Variants in SPART observed in about 807,000 individuals in gnomAD.
SPART encodes spartin.
Under a neutral mutation model 58.7 loss-of-function variants are expected in SPART, and 35 were observed. The observed-to-expected ratio is 0.60, with a 90% CI of 0.46 to 0.79. The LOEUF (loss-of-function observed/expected upper bound fraction) is 0.79, where lower values mean the gene tolerates loss of function less well. Ranked by LOEUF, SPART falls within the 30% of genes least tolerant of loss-of-function variation. SPART has a pLI of 0.00. For missense variants in SPART, 730 were observed against 786.1 expected, an observed-to-expected ratio of 0.93 and a Z score of 0.85; for synonymous variants, 284 against 280.7, an observed-to-expected ratio of 1.01 and a Z score of -0.12.
At chr13:36,358,418 G>T (rs1885706646) in intron 1 of SPART, among the ~76,000 whole-genome samples, 1 of 152,160 alleles carries the variant, frequency 6.6e-6, no homozygotes, top group Admixed American at 6.5e-5. Context: ...ATATGAAGAG[G>T]AGAAATGAAA....
At chr13:36,319,048 C>G (rs1014112523) in intron 5 of SPART, among the ~76,000 whole-genome samples, 5 of 152,148 alleles carry the variant, frequency 3.3e-5, no homozygotes, top group African/African-American at 1.2e-4. Context: ...ACATTACCCT[C>G]TTTTCAAGGG....
intron 8 of SPART, among the ~76,000 whole-genome samples, chr13:36,306,740 T>C (rs1880539725): frequency 7.0e-6 from 1 of 141,964 alleles, no homozygotes; most frequent in African/African-American, 2.5e-5. Context: ...ACAATTCCTA[T>C]TAATTTGGGA....
chr13:36,362,361 A>AAC (rs1371711845), intron 1 of SPART, among the ~76,000 whole-genome samples: 5 of 151,504 alleles, frequency 3.3e-5, no homozygotes, highest in Non-Finnish European at 5.9e-5. Flanking sequence ...TCAAAAAAAA[A>AAC]AAAAAATACC....
chr13:36,333,429 ATT>A lies in SPART; in HGVS notation c.810+1590_810+1591del, dbSNP rs34312130. On this transcript the variant is annotated intron_variant, in intron 2 of 8. Coordinates refer to ENST00000438666, the MANE Select transcript of SPART (RefSeq NM_015087.5). ...TAGTATTTAGTTGGATTATTATTGTATTTTTTTTTTTTTTTTGGATAAAAACA... is the reference window on the plus strand; with the variant it reads ...TAGTATTTAGTTGGATTATTATTGTATTTTTTTTTTTTTTGGATAAAAACA... 3.1e-3 allele frequency among the ~76,000 whole-genome samples: 406 copies of A among 132,330 alleles called. 3 individuals are homozygous for A. Among genetic ancestry groups the A allele is most frequent in the African/African-American group, 0.011 (371 of 32,448 alleles). The allele number at this position is 132,330 out of a possible 152,430, so 86.8% of individuals were successfully genotyped here.
rs1167192452 is a variant in SPART, at chr13:36,335,545, C to G, written c.286G>C (p.Glu96Gln). ...TGCAGAGAAGTGGCAAGACCCTTCT[C>G]TAGAATTTCCAGCCTGGTGCGTACA... ...QNVRTRLEIL[E>Q]KGLATSLQND... Residue 96 changes from glutamate to glutamine, a missense_variant, in exon 2 of 9, where the codon GAG (glutamate) becomes CAG (glutamine). By Grantham distance (29) the Glu-to-Gln change is conservative. Coordinates refer to ENST00000438666, the MANE Select transcript of SPART (RefSeq NM_015087.5). 3 of 1,614,060 alleles carry G rather than the reference C, an allele frequency of 1.9e-6. No individual in the cohort carries two copies. Among genetic ancestry groups the G allele is most frequent in the East Asian group, 2.2e-5 (1 of 44,902 alleles).
At chr13:36,351,969 A>C (rs1885429314) in intron 1 of SPART, among the ~76,000 whole-genome samples, 1 of 152,226 alleles carries the variant, frequency 6.6e-6, no homozygotes, top group Non-Finnish European at 1.5e-5. Context: ...CAGGGTATCC[A>C]TCTCATGAAG....
intron 1 of SPART, among the ~76,000 whole-genome samples, chr13:36,367,031 A>T (rs1886085459): frequency 6.6e-6 from 1 of 152,094 alleles, no homozygotes; most frequent in East Asian, 1.9e-4. Flanking sequence ...TTTCGGCCGG[A>T]AGTAGCCGGA....
At chr13:36,315,018 C>G (rs564510269) in intron 5 of SPART, among the ~76,000 whole-genome samples, 1 of 152,296 alleles carries the variant, frequency 6.6e-6, no homozygotes, top group South Asian at 2.1e-4. Context: ...GCTACACATA[C>G]CTGAATGACA....
chr13:36,344,947 G>C lies in SPART; in HGVS notation c.-3+1278C>G, dbSNP rs1319179109. On this transcript the variant is annotated intron_variant, in intron 1 of 8. Coordinates refer to ENST00000438666, the MANE Select transcript of SPART (RefSeq NM_015087.5). The stretch of plus-strand genomic sequence containing the variant: ...CACATTTATTTCAACATAACTACAT[G>C]TATGTCTGTGTATGTCTTAAAAAAT... Among the ~76,000 whole-genome samples, 10 of 152,124 alleles carry C rather than the reference G, an allele frequency of 6.6e-5. No homozygotes were observed. The South Asian group carries it at 8.3e-4, about 13-fold the overall frequency.
At chr13:36,365,720 A>G (rs1566151916) in intron 1 of SPART, 1 of 389,326 alleles carries the variant, frequency 2.6e-6, no homozygotes, top group Non-Finnish European at 5.2e-6. Context: ...ATCTTTTTTT[A>G]TCTCCATAGC....
intron 5 of SPART, among the ~76,000 whole-genome samples, chr13:36,322,807 T>G (rs1465278265): frequency 6.6e-6 from 1 of 152,138 alleles, no homozygotes; most frequent in Non-Finnish European, 1.5e-5. Flanking sequence ...AAGTATAAAT[T>G]GAATATATGA....
chr13:36,327,666 T>C (rs1883062626), intron 4 of SPART, among the ~76,000 whole-genome samples: 1 of 152,174 alleles, frequency 6.6e-6, no homozygotes, highest in Non-Finnish European at 1.5e-5. Context: ...GCATAAAATA[T>C]ATCTAGAAGG....
chr13:36,366,101 T>C (rs1191120236), intron 1 of SPART, among the ~76,000 whole-genome samples: 2 of 152,068 alleles, frequency 1.3e-5, no homozygotes, highest in African/African-American at 4.8e-5. Flanking sequence ...CTTGAATGAC[T>C]CCATAGTGCC....
intron 1 of SPART, among the ~76,000 whole-genome samples, chr13:36,340,655 A>G (rs1359122242): frequency 6.6e-6 from 1 of 152,092 alleles, no homozygotes; most frequent in African/African-American, 2.4e-5. Context: ...GAATCCCAAG[A>G]CTGATGATGA....
In SPART at chr13:36,362,352, C is replaced by CAAAAAA. The variant is rs10627452; in HGVS notation, c.-3+7731_-3+7736dup. 2.5e-5 allele frequency among the ~76,000 whole-genome samples: 3 copies of CAAAAAA among 117,952 alleles called. 1 individual carries two copies. The highest frequency in any genetic ancestry group is 6.9e-5 in the African/African-American group (2 of 29,102). 77.4% of individuals were successfully genotyped at this position (117,952 alleles called of 152,430 possible). On this transcript the variant is annotated intron_variant, in intron 1 of 8. Coordinates refer to the SPART transcript ENST00000355182. ...AGGTGACAGAGCAAGACTTCCATCT[C>CAAAAAA]AAAAAAAAAAAAAAATACCCATGTT...
Position 36,335,503 on chromosome 13 carries a change from C to T in SPART, c.328G>A (p.Val110Met), listed in dbSNP as rs1883911951. Residue 110 changes from valine to methionine, a missense_variant, in exon 2 of 9, where the codon GTG becomes ATG. Val to Met is a conservative substitution (Grantham distance 21). Transcript: ENST00000438666. ...ATSLQNDLQE[V>M]PKLYPEFPPK... ...GGAAATTCTGGATATAACTTGGGCA[C>T]CTCCTGAAGATCATTCTGCAGAGAA... is the stretch of plus-strand genomic sequence containing the variant. 6.2e-7 allele frequency: 1 copy of T among 1,614,032 alleles called. No homozygotes were observed. Among genetic ancestry groups the T allele is most frequent in the Non-Finnish European group, 8.5e-7 (1 of 1,180,018 alleles).
At chr13:36,320,049 A>G (rs962821408) in intron 5 of SPART, among the ~76,000 whole-genome samples, 1 of 152,110 alleles carries the variant, frequency 6.6e-6, no homozygotes, top group African/African-American at 2.4e-5. Context: ...CTGTCCAAAC[A>G]ACTTGACCTT....
intron 8 of SPART, among the ~76,000 whole-genome samples, chr13:36,309,775 A>G (rs2137294607): frequency 6.6e-6 from 1 of 152,318 alleles, no homozygotes; most frequent in South Asian, 2.1e-4. Context: ...TCTATTGGGT[A>G]CTATGCTTAC....
At chr13:36,348,295 C>T (rs1885269574), upstream of SPART, among the ~76,000 whole-genome samples, 1 of 152,046 alleles carries the variant, frequency 6.6e-6, no homozygotes, top group Admixed American at 6.5e-5. Context: ...CCCTGGCCCC[C>T]ACCAAAAAAA....
Sources: allele counts gnomAD v4.1 joint callset (sites outside exome capture counted in the v4.1 genomes callset), GRCh38; gene constraint gnomAD v4.1.1; transcripts MANE v1.5; gene names NCBI Gene and HGNC (gene_info 2026-07-23, HGNC 2026-07-21).